FAM53A: variants seen among roughly 807,000 people sequenced by gnomAD.
The protein encoded by FAM53A is protein FAM53A.
Under a neutral mutation model 26.6 loss-of-function variants are expected in FAM53A, and 28 were observed. The observed-to-expected ratio is 1.05, with a 90% CI of 0.78 to 1.45. The LOEUF is 1.45. Among genes scored for constraint, FAM53A ranks in the 40% most tolerant of loss-of-function variants. The probability of loss-of-function intolerance (pLI) is 0.00; values close to 1 mark genes in which losing one functional copy is unlikely to be tolerated. For missense variants in FAM53A, 650 were observed against 575.8 expected, an observed-to-expected ratio of 1.13 and a Z score of -1.32; for synonymous variants, 290 against 253.1, an observed-to-expected ratio of 1.15 and a Z score of -1.38.
At chr4:1,590,934 C>A in the FAM53A span, among the ~76,000 whole-genome samples, 1 of 118,872 alleles carries the variant, frequency 8.4e-6, no homozygotes, top group African/African-American at 3.2e-5. Context: ...TTTATATGTT[C>A]TAAGACTATA....
At position 1,652,210 on chromosome 4, in the gene FAM53A, CCA is replaced by C. The variant is rs1247391554; in HGVS notation, c.882+2766_882+2767del. ...ATACACGCCACACACACCACACATG[CCA>C]CACACACCACACACACTAGTCGCAC... On this transcript the variant is annotated intron_variant, in intron 4 of 4. Coordinates refer to ENST00000308132, the MANE Select transcript of FAM53A (RefSeq NM_001174070.3). 7.6e-4 allele frequency among the ~76,000 whole-genome samples: 96 copies of C among 125,782 alleles called. 2 individuals carry two copies. The highest frequency in any genetic ancestry group is 2.2e-3 in the African/African-American group (78 of 35,256). The allele number at this position is 125,782 out of a possible 152,430, so 82.5% of individuals were successfully genotyped here. A position where few individuals can be genotyped will look rare whatever the true frequency, so the allele number is the denominator to read the frequency against.
intron 4 of FAM53A, among the ~76,000 whole-genome samples, chr4:1,649,983 C>T (rs1158451482): frequency 1.6e-4 from 14 of 87,424 alleles, no homozygotes; most frequent in African/African-American, 2.8e-4. Flanking sequence ...GTGGCACAGG[C>T]GTGGCGTTTG....
chr4:1,655,075 G>A lies in FAM53A; in HGVS notation c.785C>T (p.Pro262Leu). Reference protein sequence around the residue: ...RRGLLRCRSQPCVLSGKRSRR... With the variant: ...RRGLLRCRSQLCVLSGKRSRR... ...GCTCCTCTTCCCACTGAGCACGCAA[G>A]GCTGTGAGCGGCACCGGAGCAGCCC... The change falls in exon 4 of 5, where the codon CCT (proline) becomes CTT (leucine). Residue 262 changes from proline (P) to leucine (L), a missense_variant. Transcript: ENST00000308132. The A allele has an allele frequency of 1.2e-6, 2 of 1,600,816 alleles. No individual in the cohort carries two copies. The highest frequency in any genetic ancestry group is 1.1e-5 in the South Asian group (1 of 89,240).
At chr4:1,685,309 G>C (rs1298307343), upstream of FAM53A, among the ~76,000 whole-genome samples, 1 of 152,130 alleles carries the variant, frequency 6.6e-6, no homozygotes, top group Non-Finnish European at 1.5e-5. Flanking sequence ...CTGCGGTCCA[G>C]TGCCTCCCCA....
chr4:1,647,588 C>T (rs916007667), intron 4 of FAM53A, among the ~76,000 whole-genome samples: 8 of 152,334 alleles, frequency 5.3e-5, no homozygotes, highest in East Asian at 1.9e-4. Context: ...CAGTTGCGCA[C>T]GCAGACTGCA....
chr4:1,661,329 G>A (rs969573369), intron 2 of FAM53A, among the ~76,000 whole-genome samples: 6 of 152,178 alleles, frequency 3.9e-5, no homozygotes, highest in African/African-American at 1.4e-4. Flanking sequence ...ACAGCCCGGC[G>A]CCCTATGTAA....
intron 1 of FAM53A, among the ~76,000 whole-genome samples, chr4:1,627,006 C>A (rs1270358716): frequency 1.3e-5 from 2 of 152,174 alleles, no homozygotes; most frequent in African/African-American, 4.8e-5. Context: ...TAAGGCTTGG[C>A]AAAGAGTGGC....
chr4:1,592,752 G>A, the FAM53A span, among the ~76,000 whole-genome samples: 2 of 152,272 alleles, frequency 1.3e-5, no homozygotes, highest in South Asian at 4.1e-4. Context: ...AGAGTTCGCC[G>A]CAGAGCCCAG....
chr4:1,623,779 A>C (rs1302625485), intron 1 of FAM53A, among the ~76,000 whole-genome samples: 1 of 152,218 alleles, frequency 6.6e-6, no homozygotes, highest in Non-Finnish European at 1.5e-5. Context: ...CAGGGCTGCT[A>C]ATGAAAATAT....
intron 4 of FAM53A, among the ~76,000 whole-genome samples, chr4:1,654,538 C>G (rs1713146362): frequency 6.6e-6 from 1 of 152,262 alleles, no homozygotes; most frequent in African/African-American, 2.4e-5. Context: ...GCACACCCAC[C>G]AGCTCCCACA....
At chr4:1,641,634 A>G (rs777912749) in intron 4 of FAM53A, 27 bp from the exon 5 acceptor site, 46 of 1,611,306 alleles carry the variant, frequency 2.9e-5, no homozygotes, top group Non-Finnish European at 3.6e-5. Context: ...ACGGGCTTAA[A>G]GCATTTCTAG....
At chr4:1,621,018 C>A (rs1450723560) in intron 1 of FAM53A, among the ~76,000 whole-genome samples, 1 of 151,938 alleles carries the variant, frequency 6.6e-6, no homozygotes, top group Non-Finnish European at 1.5e-5. Flanking sequence ...AGAGCCCCAG[C>A]CATCACGCCT....
Position 1,645,891 on chromosome 4 carries a change from T to C in FAM53A, c.883-4284A>G, listed in dbSNP as rs184360774. 1.6e-3 allele frequency among the ~76,000 whole-genome samples: 238 copies of C among 152,318 alleles called. 4 individuals are homozygous for C. Among genetic ancestry groups the C allele is most frequent in the Admixed American group, 0.015 (222 of 15,300 alleles). On this transcript the variant is annotated intron_variant, in intron 4 of 4. Transcript: ENST00000308132. ...AACGTATACCTCCAAATCTCTACCA[T>C]GGTGTTGGGAGTTGATCAGGTCCTG... is the stretch of plus-strand genomic sequence containing the variant.
intron 1 of FAM53A, among the ~76,000 whole-genome samples, chr4:1,625,979 C>T (rs111637653): frequency 1.1e-4 from 16 of 152,350 alleles, no homozygotes; most frequent in African/African-American, 3.4e-4. Context: ...CATCAGAATC[C>T]TCCACAGGAT....
rs1460817928 is a variant in FAM53A, at chr4:1,655,253, C to T, written c.607G>A (p.Gly203Ser). Residue 203 changes from glycine to serine, a missense_variant, in exon 4 of 5, where the codon GGC (glycine) becomes AGC (serine). Physicochemically the swap from Gly to Ser is moderately conservative, Grantham distance 56. Transcript: ENST00000308132. ...GCGGAACACCAGAGCGGGCCTGAGCCCGCACTGCCCTCGCTGCTGTCCACG... is the reference window on the plus strand; with the variant it reads ...GCGGAACACCAGAGCGGGCCTGAGCTCGCACTGCCCTCGCTGCTGTCCACG... ...GFVDSSEGSA[G>S]SGPLWCSAES... The T allele has an allele frequency of 1.6e-5, 24 of 1,469,608 alleles. No homozygotes were observed. Among genetic ancestry groups the T allele is most frequent in the South Asian group, 8.3e-5 (6 of 72,368 alleles). The allele number at this position is 1,469,608 out of a possible 1,614,324, so 91.0% of individuals were successfully genotyped here. A position where few individuals can be genotyped will look rare whatever the true frequency, so the allele number is the denominator to read the frequency against.
At chr4:1,649,152 G>GGGGAAAGGGAAA (rs200787006) in intron 4 of FAM53A, among the ~76,000 whole-genome samples, 11 of 137,476 alleles carry the variant, frequency 8.0e-5, no homozygotes, top group Admixed American at 2.2e-4. Context: ...GGAAAGGGAA[G>GGGGAAAGGGAAA]GGGAAAGGGA....
chr4:1,634,971 T>C (rs1458919627), downstream of FAM53A, among the ~76,000 whole-genome samples: 1 of 152,176 alleles, frequency 6.6e-6, no homozygotes, highest in African/African-American at 2.4e-5. Context: ...TTTAAACTAC[T>C]GTTTCATTCT....
At chr4:1,622,430 C>T (rs1715083274) in intron 1 of FAM53A, among the ~76,000 whole-genome samples, 1 of 152,240 alleles carries the variant, frequency 6.6e-6, no homozygotes, top group Non-Finnish European at 1.5e-5. Flanking sequence ...TCCAGCCAGG[C>T]CCTGGCCCCA....
Position 1,654,590 on chromosome 4 carries a change from C to G in FAM53A, c.882+388G>C, listed in dbSNP as rs78076457. Among the ~76,000 whole-genome samples the G allele has an allele frequency of 7.4e-3, 1,135 of 152,356 alleles. 11 individuals carry two copies. The highest frequency in any genetic ancestry group is 0.025 in the African/African-American group (1,029 of 41,584). ...TCTGCCTCGAATGGGGCTCCCAGGA[C>G]AGCTTGTTACTTCCTGAGCCATCAC... On this transcript the variant is annotated intron_variant, in intron 4 of 4. Transcript: ENST00000308132.
Sources: allele counts gnomAD v4.1 joint callset (sites outside exome capture counted in the v4.1 genomes callset), GRCh38; gene constraint gnomAD v4.1.1; transcripts MANE v1.5; gene names NCBI Gene and HGNC (gene_info 2026-07-23, HGNC 2026-07-21).